Variants in C12orf75 observed in about 807,000 individuals in gnomAD.
C12orf75 encodes chromosome 12 open reading frame 75, also known as overexpressed in colon carcinoma 1 protein.
A neutral mutation model predicts 11.4 loss-of-function variants in C12orf75; 4 were observed. The observed-to-expected ratio is 0.35, with a 90% CI of 0.17 to 0.80. C12orf75 has a LOEUF of 0.80. C12orf75 is among the 30% of genes least tolerant of loss of function. The pLI, the probability that C12orf75 is intolerant of heterozygous loss-of-function variation, is 0.52. For missense variants in C12orf75, 89 were observed against 80.4 expected (o/e 1.11, Z -0.41); for synonymous variants, 30 against 30.0 (o/e 1.00, Z 0.00).
intron 1 of C12orf75, among the ~76,000 whole-genome samples, chr12:105,331,362 A>G (rs1173278862): frequency 6.6e-6 from 1 of 151,954 alleles, no homozygotes; most frequent in Non-Finnish European, 1.5e-5. Flanking sequence ...GCAGCAGAGC[A>G]AGACAGGACT....
chr12:105,347,236 A>G (rs1052161269), intron 1 of C12orf75, among the ~76,000 whole-genome samples: 1 of 152,244 alleles, frequency 6.6e-6, no homozygotes, highest in African/African-American at 2.4e-5. Flanking sequence ...TGGGTGGTGT[A>G]TTAGGGTTCT....
chr12:105,341,129 A>G (rs1173038525), intron 1 of C12orf75, among the ~76,000 whole-genome samples: 2 of 152,240 alleles, frequency 1.3e-5, no homozygotes, highest in Non-Finnish European at 2.9e-5. Context: ...AAATCAGAAT[A>G]TAAGAAAATG....
At chr12:105,331,652 A>G (rs1402461086) in intron 1 of C12orf75, among the ~76,000 whole-genome samples, 2 of 151,728 alleles carry the variant, frequency 1.3e-5, no homozygotes, top group Non-Finnish European at 2.9e-5. Flanking sequence ...ATACCACTTC[A>G]TGTTGATTGG....
chr12:105,365,428 C>T (rs1248613871), intron 2 of C12orf75, among the ~76,000 whole-genome samples: 2 of 152,196 alleles, frequency 1.3e-5, no homozygotes, highest in Admixed American at 6.5e-5. Context: ...AAATGAGACA[C>T]AGGCTGGCAG....
intron 1 of C12orf75, among the ~76,000 whole-genome samples, chr12:105,332,667 G>A (rs1892447425): frequency 6.6e-6 from 1 of 151,320 alleles, no homozygotes; most frequent in Admixed American, 6.6e-5. Flanking sequence ...GGAGGCGGAG[G>A]TTGCAGTGAG....
At chr12:105,355,624 A>C (rs1892771239) in intron 2 of C12orf75, among the ~76,000 whole-genome samples, 1 of 152,182 alleles carries the variant, frequency 6.6e-6, no homozygotes, top group African/African-American at 2.4e-5. Context: ...CCCACCTGTA[A>C]GAGCTCTGTG....
At chr12:105,355,696 A>G (rs1892772037) in intron 2 of C12orf75, among the ~76,000 whole-genome samples, 1 of 152,214 alleles carries the variant, frequency 6.6e-6, no homozygotes, top group African/African-American at 2.4e-5. Context: ...GGTGAGAACA[A>G]GATGCATATT....
In C12orf75 at chr12:105,363,727, TAA is replaced by T. The variant is rs34851203; in HGVS notation, c.72-2067_72-2066del. Among the ~76,000 whole-genome samples the T allele has an allele frequency of 2.6e-4, 37 of 142,600 alleles. 1 individual carries two copies. The highest frequency in any genetic ancestry group is 6.0e-4 in the East Asian group (3 of 4,986). 93.6% of individuals were successfully genotyped at this position (142,600 alleles called of 152,430 possible). ...TGACAGAGCAAGACTCTGTCTTAAT[TAA>T]AAAAAAAAAAAAGAGTGGACATCTT... is the stretch of plus-strand genomic sequence containing the variant. On this transcript the variant is annotated intron_variant, in intron 2 of 5. Coordinates refer to ENST00000443585, the MANE Select transcript of C12orf75 (RefSeq NM_001145199.2).
At position 105,371,050 on chromosome 12, in the gene C12orf75, A is replaced by G. The variant is rs1174176997; in HGVS notation, c.*450A>G. ...AGGCACTATAAATTAATGACCTAAAATAATATATTTGTCTGTTATCTTTTG... is the reference window on the plus strand; with the variant it reads ...AGGCACTATAAATTAATGACCTAAAGTAATATATTTGTCTGTTATCTTTTG... On this transcript the variant is annotated 3_prime_UTR_variant, in exon 6 of 6. Transcript: ENST00000443585. 6.4e-6 allele frequency: 1 copy of G among 156,094 alleles called. No individual in the cohort carries two copies. Among genetic ancestry groups the G allele is most frequent in the Non-Finnish European group, 1.4e-5 (1 of 70,068 alleles). 9.7% of individuals were successfully genotyped at this position (156,094 alleles called of 1,614,324 possible).
chr12:105,364,036 A>C (rs1295200180), intron 2 of C12orf75, among the ~76,000 whole-genome samples: 1 of 152,236 alleles, frequency 6.6e-6, no homozygotes, highest in Admixed American at 6.5e-5. Context: ...GAAAGAATTA[A>C]AATAAACGGA....
intron 2 of C12orf75, among the ~76,000 whole-genome samples, chr12:105,349,118 A>G (rs1359477063): frequency 2.6e-5 from 4 of 152,236 alleles, no homozygotes; most frequent in African/African-American, 7.2e-5. Context: ...TTTAGAGCAC[A>G]GGGCATTTAA....
At chr12:105,369,819 GC>G (rs1871579853) in intron 5 of C12orf75, among the ~76,000 whole-genome samples, 1 of 152,188 alleles carries the variant, frequency 6.6e-6, no homozygotes, top group African/African-American at 2.4e-5. Context: ...TAGATGCTAA[GC>G]ATCCATTGTG....
chr12:105,359,153 A>G (rs1447609832), intron 2 of C12orf75, among the ~76,000 whole-genome samples: 1 of 152,184 alleles, frequency 6.6e-6, no homozygotes. Context: ...GTGAAATTGA[A>G]GAAGTCGTGA....
intron 1 of C12orf75, among the ~76,000 whole-genome samples, chr12:105,342,556 G>A (rs1172994924): frequency 6.6e-6 from 1 of 152,228 alleles, no homozygotes; most frequent in Non-Finnish European, 1.5e-5. Context: ...CACAAGCATG[G>A]CTGGTTAAAT....
intron 2 of C12orf75, among the ~76,000 whole-genome samples, chr12:105,354,527 A>G (rs1892751392): frequency 6.6e-6 from 1 of 152,230 alleles, no homozygotes; most frequent in African/African-American, 2.4e-5. Context: ...TATATTTAAT[A>G]TCCTAGGAAA....
intron 2 of C12orf75, chr12:105,353,431 A>T (rs936383153): frequency 2.0e-5 from 3 of 152,224 alleles, no homozygotes; most frequent in African/African-American, 7.2e-5. Flanking sequence ...GGCCAGGAGA[A>T]TGTGGGGTGC....
At chr12:105,350,287 G>A (rs1275090770) in intron 2 of C12orf75, among the ~76,000 whole-genome samples, 2 of 152,216 alleles carry the variant, frequency 1.3e-5, no homozygotes, top group Admixed American at 1.3e-4. Flanking sequence ...AATAGGAAGA[G>A]CATTTATGTT....
intron 5 of C12orf75, among the ~76,000 whole-genome samples, chr12:105,369,426 TTTTA>T (rs1175620420): frequency 6.6e-6 from 1 of 152,182 alleles, no homozygotes; most frequent in Non-Finnish European, 1.5e-5. Context: ...TACCCTTACA[TTTTA>T]TTTATTTTAC....
At chr12:105,365,905 C>T in intron 3 of C12orf75, 63 bp downstream of exon 3, 1 of 976,818 alleles carries the variant, frequency 1.0e-6, no homozygotes, top group Non-Finnish European at 1.6e-6. Context: ...ATGGATTTAA[C>T]ACACTGTAGC....
Sources: gnomAD v4.1 joint callset for allele counts (sites outside exome capture counted in the v4.1 genomes callset) on GRCh38, gnomAD v4.1.1 for gene constraint, MANE v1.5 for transcripts, NCBI Gene and HGNC (gene_info 2026-07-23, HGNC 2026-07-21) for gene names.